The following CLEC2D variants were observed in gnomAD, a reference collection of about 807,000 sequenced individuals.
CLEC2D encodes the protein C-type lectin domain family 2 member D, also known as C-type lectin related f.
CLEC2D carries 16 observed loss-of-function variants against 20.0 expected under a neutral mutation model. That is an observed-to-expected ratio of 0.80 (90% CI 0.54 to 1.22). The LOEUF is 1.22. Ranked by LOEUF, CLEC2D falls within the 50% of genes most tolerant of loss-of-function variation. CLEC2D has a pLI of 0.00. For missense variants in CLEC2D, 207 were observed against 221.5 expected, an observed-to-expected ratio of 0.93 and a Z score of 0.42; for synonymous variants, 77 against 71.1, an observed-to-expected ratio of 1.08 and a Z score of -0.42.
At chr12:9,693,177 A>G (rs1591704254) in intron 4 of CLEC2D, 2 of 1,180,162 alleles carry the variant, frequency 1.7e-6, no homozygotes, top group East Asian at 2.4e-5. Flanking sequence ...AAACACTTTC[A>G]TTTTAAGCAA....
intron 1 of CLEC2D, among the ~76,000 whole-genome samples, chr12:9,677,081 T>C (rs1865532440): frequency 6.6e-6 from 1 of 152,084 alleles, no homozygotes; most frequent in African/African-American, 2.4e-5. Context: ...AGTTTTTGGT[T>C]TTGATAACTT....
chr12:9,683,388 T>A (rs927916184), intron 2 of CLEC2D, among the ~76,000 whole-genome samples: 2 of 145,074 alleles, frequency 1.4e-5, no homozygotes, highest in African/African-American at 5.1e-5. Context: ...TAGATCCCGC[T>A]TGTCAATTTT....
chr12:9,690,072 G>A (rs2120966072), intron 3 of CLEC2D, among the ~76,000 whole-genome samples: 1 of 152,132 alleles, frequency 6.6e-6, no homozygotes. Context: ...ATATAGTCAA[G>A]TTGACAAAAT....
At position 9,699,248 on chromosome 12, in the gene CLEC2D, A is replaced by G. The variant is rs1459924637; in HGVS notation, c.*4374A>G. 1 of 152,156 alleles carries G rather than the reference A, an allele frequency of 6.6e-6. No homozygotes were observed. Among genetic ancestry groups the G allele is most frequent in the East Asian group, 1.9e-4 (1 of 5,200 alleles). The allele number at this position is 152,156 out of a possible 1,614,324, so 9.4% of individuals were successfully genotyped here. ...ACTCTGATTCTCTGCATGCATTTTTATAGATTTGTTTGCCATTTATCCTAT... is the reference window on the plus strand; with the variant it reads ...ACTCTGATTCTCTGCATGCATTTTTGTAGATTTGTTTGCCATTTATCCTAT... On this transcript the variant is annotated 3_prime_UTR_variant, in exon 5 of 5. Coordinates refer to ENST00000290855, the MANE Select transcript of CLEC2D (RefSeq NM_013269.6).
At position 9,697,353 on chromosome 12, in the gene CLEC2D, A is replaced by G. The variant is rs779766844; in HGVS notation, c.*2479A>G. Reference sequence around the variant, plus strand: ...TGTTCCTGCTGCAGTTAACTAGCCCAATCTATTCCTTTAATTCGGCCCATC... The same window carrying G: ...TGTTCCTGCTGCAGTTAACTAGCCCGATCTATTCCTTTAATTCGGCCCATC... On this transcript the variant is annotated 3_prime_UTR_variant, in exon 5 of 5. Transcript: ENST00000290855. The G allele has an allele frequency of 6.6e-6, 1 of 152,338 alleles. No homozygotes were observed. Among genetic ancestry groups the G allele is most frequent in the African/African-American group, 2.4e-5 (1 of 41,578 alleles). 9.4% of individuals were successfully genotyped at this position (152,338 alleles called of 1,614,324 possible). A position where few individuals can be genotyped will look rare whatever the true frequency, so the allele number is the denominator to read the frequency against.
chr12:9,694,381 G>C (rs1865933133), intron 4 of CLEC2D, among the ~76,000 whole-genome samples: 1 of 152,056 alleles, frequency 6.6e-6, no homozygotes, highest in African/African-American at 2.4e-5. Flanking sequence ...GAAGTAGGAG[G>C]AATAAAATCA....
In CLEC2D at chr12:9,695,321, C is replaced by A; in HGVS notation, c.*447C>A. 1 of 869,864 alleles carries A rather than the reference C, an allele frequency of 1.1e-6. No individual in the cohort carries two copies. The highest frequency in any genetic ancestry group is 1.9e-6 in the Non-Finnish European group (1 of 521,184). 53.9% of individuals were successfully genotyped at this position (869,864 alleles called of 1,614,324 possible). A position where few individuals can be genotyped will look rare whatever the true frequency, so the allele number is the denominator to read the frequency against. Reference sequence around the variant, plus strand: ...TGATTCCGTCCTGCGCGGCTGTTCTCTGGAGCAGCATTCATTTATCTTCGT... The same window carrying A: ...TGATTCCGTCCTGCGCGGCTGTTCTATGGAGCAGCATTCATTTATCTTCGT... On this transcript the variant is annotated 3_prime_UTR_variant, in exon 5 of 5. Coordinates refer to ENST00000290855, the MANE Select transcript of CLEC2D (RefSeq NM_013269.6).
chr12:9,681,107 T>TA, intron 2 of CLEC2D, 74 bp downstream of exon 2: 1 of 830,770 alleles, frequency 1.2e-6, no homozygotes, highest in Non-Finnish European at 1.9e-6. Context: ...TCTGAATAAT[T>TA]TTGTTATTCT....
chr12:9,695,478 A>C lies in CLEC2D; in HGVS notation c.*604A>C, dbSNP rs1162950487. 7.7e-7 allele frequency: 1 copy of C among 1,297,416 alleles called. No individual in the cohort carries two copies. The highest frequency in any genetic ancestry group is 1.1e-6 in the Non-Finnish European group (1 of 908,216). The allele number at this position is 1,297,416 out of a possible 1,614,324, so 80.4% of individuals were successfully genotyped here. On this transcript the variant is annotated 3_prime_UTR_variant, in exon 5 of 5. Transcript: ENST00000290855. ...AAGGCCGACAAAGATGATCACTTTA[A>C]GGTGGATAATGATGAAAATGAGACC...
At chr12:9,692,559 T>TATA (rs1865891217) in intron 3 of CLEC2D, among the ~76,000 whole-genome samples, 1 of 152,142 alleles carries the variant, frequency 6.6e-6, no homozygotes, top group Non-Finnish European at 1.5e-5. Flanking sequence ...CAACCGATAG[T>TATA]ATAATAGATA....
chr12:9,694,618 T>TA (rs1865937529), intron 4 of CLEC2D, 142 bp from the exon 5 acceptor site: 1 of 612,060 alleles, frequency 1.6e-6, no homozygotes, highest in Non-Finnish European at 3.0e-6. Flanking sequence ...GCCCACTGAC[T>TA]AATTAGTCAC....
chr12:9,669,936 C>T (rs1218743274), intron 1 of CLEC2D, 141 bp downstream of exon 1: 6 of 569,774 alleles, frequency 1.1e-5, no homozygotes, highest in Non-Finnish European at 1.9e-5. Context: ...CATAAATTGG[C>T]TTATAATTTG....
intron 2 of CLEC2D, among the ~76,000 whole-genome samples, chr12:9,686,379 TG>T: frequency 6.6e-6 from 1 of 151,998 alleles, no homozygotes; most frequent in Non-Finnish European, 1.5e-5. Context: ...TGCACAGATT[TG>T]GGGAAAGTCA....
intron 2 of CLEC2D, among the ~76,000 whole-genome samples, chr12:9,684,721 G>C (rs770474323): frequency 1.6e-4 from 24 of 152,256 alleles, no homozygotes; most frequent in Non-Finnish European, 2.4e-4. Flanking sequence ...TTTCATCCCA[G>C]GGATGAAACT....
At chr12:9,693,635 A>T in intron 4 of CLEC2D, 1 of 221,036 alleles carries the variant, frequency 4.5e-6, no homozygotes, top group Non-Finnish European at 9.2e-6. Flanking sequence ...TTGACCTTGG[A>T]TGGGATGGTA....
chr12:9,670,518 A>G (rs1194584588), intron 1 of CLEC2D, among the ~76,000 whole-genome samples: 1 of 152,234 alleles, frequency 6.6e-6, no homozygotes, highest in Non-Finnish European at 1.5e-5. Context: ...TGAGCATTTT[A>G]TACCAAATGC....
intron 2 of CLEC2D, among the ~76,000 whole-genome samples, chr12:9,684,663 G>T (rs899685287): frequency 3.9e-5 from 6 of 152,110 alleles, no homozygotes; most frequent in Non-Finnish European, 7.4e-5. Flanking sequence ...CATTGGTTCT[G>T]CTTATGTAAT....
Position 9,669,810 on chromosome 12 carries a change from T to C in CLEC2D, c.61+15T>C, listed in dbSNP as rs1420579189. 1.3e-6 allele frequency: 2 copies of C among 1,599,988 alleles called. No homozygotes were observed. Among genetic ancestry groups the C allele is most frequent in the Non-Finnish European group, 1.7e-6 (2 of 1,167,322 alleles). ...TGCAAACCCAGGTAAGAAGCTGGGC[T>C]CTACAGAGTAAGTGTGAGGACTGGA... is the stretch of plus-strand genomic sequence containing the variant. On this transcript the variant is annotated intron_variant, in intron 1 of 4. Coordinates refer to ENST00000290855, the MANE Select transcript of CLEC2D (RefSeq NM_013269.6).
rs1438361706 is a variant in CLEC2D, at chr12:9,696,400, A to C, written c.*1526A>C. 2.1e-6 allele frequency: 1 copy of C among 481,466 alleles called. No homozygotes were observed. The highest frequency in any genetic ancestry group is 3.8e-6 in the Non-Finnish European group (1 of 263,494). 29.8% of individuals were successfully genotyped at this position (481,466 alleles called of 1,614,324 possible). A position where few individuals can be genotyped will look rare whatever the true frequency, so the allele number is the denominator to read the frequency against. On this transcript the variant is annotated 3_prime_UTR_variant, in exon 5 of 5. Coordinates refer to ENST00000290855, the MANE Select transcript of CLEC2D (RefSeq NM_013269.6). ...AATGTGTTGTCCAAAATGCCTGTTT[A>C]GTTTTTAAAGATGGAACTCCACCCT...
Sources: allele counts gnomAD v4.1 joint callset (sites outside exome capture counted in the v4.1 genomes callset), GRCh38; gene constraint gnomAD v4.1.1; transcripts MANE v1.5; gene names NCBI Gene and HGNC (gene_info 2026-07-23, HGNC 2026-07-21).